Variants in NRXN1 observed in about 807,000 individuals in gnomAD.
NRXN1 encodes the protein neurexin-1.
In NRXN1, 39 loss-of-function variants were observed where a neutral mutation model predicts 150.9. The ratio of observed to expected loss-of-function variants is 0.26; its 90% CI spans 0.20 to 0.34. The LOEUF (loss-of-function observed/expected upper bound fraction) is 0.34. Among genes scored for constraint, NRXN1 ranks in the 10% least tolerant of loss-of-function variants. NRXN1 has a pLI of 1.00. For missense variants in NRXN1, 1,815 were observed against 1,949.9 expected (o/e 0.93, Z 1.30); for synonymous variants, 924 against 757.0 (o/e 1.22, Z -3.62).
chr2:50,090,776 A>C (rs906821092), intron 19 of NRXN1, among the ~76,000 whole-genome samples: 16 of 152,158 alleles, frequency 1.1e-4, no homozygotes, highest in Admixed American at 1.0e-3. Flanking sequence ...TATGAAAGTG[A>C]AAACAAACTT....
At chr2:50,717,758 T>C (rs1247747443) in intron 5 of NRXN1, among the ~76,000 whole-genome samples, 1 of 152,120 alleles carries the variant, frequency 6.6e-6, no homozygotes, top group African/African-American at 2.4e-5. Flanking sequence ...AAGGCCCACT[T>C]CCAGGTTCAC....
chr2:50,251,493 A>G (rs75921422), intron 17 of NRXN1, among the ~76,000 whole-genome samples: 1,678 of 152,136 alleles, frequency 0.011, 33 homozygotes, highest in African/African-American at 0.038. Context: ...ATTAACGTTA[A>G]GTGTACGTGT....
intron 2 of NRXN1, among the ~76,000 whole-genome samples, chr2:50,974,956 TG>T (rs1695589981): frequency 6.6e-6 from 1 of 152,008 alleles, no homozygotes; most frequent in African/African-American, 2.4e-5. Flanking sequence ...ATGCCAACCA[TG>T]AGCCACTGAA....
At chr2:50,625,480 G>A (rs770695173) in intron 5 of NRXN1, among the ~76,000 whole-genome samples, 5 of 152,000 alleles carry the variant, frequency 3.3e-5, no homozygotes, top group Admixed American at 6.6e-5. Context: ...TCAGAATATT[G>A]GCTGAGCACC....
intron 5 of NRXN1, among the ~76,000 whole-genome samples, chr2:50,691,571 T>C (rs983765216): frequency 7.9e-5 from 12 of 152,210 alleles, no homozygotes; most frequent in Non-Finnish European, 1.5e-4. Flanking sequence ...TTGCAAAGAT[T>C]TGTAATGCTT....
At chr2:50,382,450 G>A (rs947982054) in intron 17 of NRXN1, among the ~76,000 whole-genome samples, 5 of 152,040 alleles carry the variant, frequency 3.3e-5, no homozygotes, top group African/African-American at 1.2e-4. Flanking sequence ...GACGTCAGAG[G>A]GAATATTTAC....
intron 21 of NRXN1, among the ~76,000 whole-genome samples, chr2:50,005,490 T>G (rs1684615853): frequency 6.6e-6 from 1 of 151,902 alleles, no homozygotes. Context: ...ACCATGAGAG[T>G]CTCCTTACTC....
chr2:50,158,610 GA>G (rs1206007320), intron 18 of NRXN1, among the ~76,000 whole-genome samples: 2 of 151,324 alleles, frequency 1.3e-5, no homozygotes, highest in Non-Finnish European at 2.9e-5. Context: ...CTTTGTGAAG[GA>G]AAAAAAACAT....
chr2:50,329,827 C>G (rs768761373), intron 17 of NRXN1, among the ~76,000 whole-genome samples: 2 of 150,474 alleles, frequency 1.3e-5, no homozygotes, highest in Non-Finnish European at 3.0e-5. Context: ...GCATGTGCCA[C>G]CATGCCCGGC....
At chr2:50,172,911 G>A (rs1349251696) in intron 18 of NRXN1, among the ~76,000 whole-genome samples, 5 of 152,148 alleles carry the variant, frequency 3.3e-5, no homozygotes, top group African/African-American at 1.2e-4. Context: ...AGGTTACAGT[G>A]AGCTGAGATT....
chr2:50,801,214 C>T (rs1707538213), intron 5 of NRXN1, among the ~76,000 whole-genome samples: 1 of 151,988 alleles, frequency 6.6e-6, no homozygotes, highest in South Asian at 2.1e-4. Context: ...AGGTTTTTAG[C>T]TTAATTTTTA....
chr2:50,419,930 A>G (rs1011917395), intron 17 of NRXN1, among the ~76,000 whole-genome samples: 2 of 152,004 alleles, frequency 1.3e-5, no homozygotes, highest in Admixed American at 1.3e-4. Flanking sequence ...TCTGCATCCC[A>G]CCAAATACAT....
intron 18 of NRXN1, among the ~76,000 whole-genome samples, chr2:50,202,726 G>C (rs968565605): frequency 6.6e-6 from 1 of 152,066 alleles, no homozygotes; most frequent in Non-Finnish European, 1.5e-5. Flanking sequence ...AAGTATATTA[G>C]GGGAGGCAGA....
chr2:50,068,401 CT>C (rs5831076), intron 19 of NRXN1, among the ~76,000 whole-genome samples: 90,739 of 151,848 alleles, frequency 0.6, 27,485 homozygotes, highest in Middle Eastern at 0.66. Context: ...TAACTTTCCC[CT>C]AATACAAGTT....
At chr2:50,898,725 C>T in intron 5 of NRXN1, 1 of 319,100 alleles carries the variant, frequency 3.1e-6, no homozygotes, top group Non-Finnish European at 6.1e-6. Context: ...ATTTATTCTT[C>T]AGAAATGAAT....
intron 2 of NRXN1, among the ~76,000 whole-genome samples, chr2:50,953,454 CA>C (rs1324575662): frequency 6.6e-6 from 1 of 151,896 alleles, no homozygotes; most frequent in Non-Finnish European, 1.5e-5. Context: ...CAGGACATAT[CA>C]AACACATCAT....
Position 49,918,621 on chromosome 2 carries a change from A to G in NRXN1, c.*3323T>C, listed in dbSNP as rs779957889. 6.6e-6 allele frequency: 1 copy of G among 152,114 alleles called. No homozygotes were observed. The highest frequency in any genetic ancestry group is 1.5e-5 in the Non-Finnish European group (1 of 67,972). 9.4% of individuals were successfully genotyped at this position (152,114 alleles called of 1,614,324 possible). ...TAATATTGTTTGCAACTAATACTGT[A>G]TGAGTTTATGGTTTCTGGCATATCA... On this transcript the variant is annotated 3_prime_UTR_variant, in exon 23 of 23. Transcript: ENST00000401669.
At chr2:50,923,865 T>C (rs186178802) in intron 3 of NRXN1, among the ~76,000 whole-genome samples, 10 of 151,944 alleles carry the variant, frequency 6.6e-5, no homozygotes, top group Non-Finnish European at 1.3e-4. Flanking sequence ...AACATCTCTG[T>C]AGGCTAGATA....
chr2:50,700,675 A>G (rs528113515), intron 5 of NRXN1, among the ~76,000 whole-genome samples: 2 of 151,042 alleles, frequency 1.3e-5, no homozygotes, highest in South Asian at 4.2e-4. Flanking sequence ...TTTGTAGGGC[A>G]TATCTTGGAG....
Sources: allele counts gnomAD v4.1 joint callset (sites outside exome capture counted in the v4.1 genomes callset), GRCh38; gene constraint gnomAD v4.1.1; transcripts MANE v1.5; gene names NCBI Gene and HGNC (gene_info 2026-07-23, HGNC 2026-07-21).